The following KCNMA1 variants were observed in gnomAD, a reference collection of about 807,000 sequenced individuals.
KCNMA1 encodes the protein potassium calcium-activated channel subfamily M alpha 1, also known as Calcium-activated potassium channel subunit alpha-1.
In KCNMA1, 29 loss-of-function variants were observed where a neutral mutation model predicts 140.0. The observed-to-expected ratio is 0.21, with a 90% CI of 0.15 to 0.28. The LOEUF is 0.28. Ranked by LOEUF, KCNMA1 falls within the 10% of genes least tolerant of loss-of-function variation. The probability of loss-of-function intolerance (pLI) is 1.00; values close to 1 mark genes in which losing one functional copy is unlikely to be tolerated. For synonymous variants in KCNMA1, 612 were observed against 611.9 expected (o/e 1.00, Z 0.00); for missense variants, 880 against 1,602.2 (o/e 0.55, Z 7.70).
rs2049624090 is a variant in KCNMA1, at chr10:76,910,308, G to A, written c.3017-212C>T. The A allele has an allele frequency of 5.4e-6, 3 of 555,698 alleles. No individual in the cohort carries two copies. The South Asian group carries it at 5.5e-5, about 10-fold the overall frequency. The allele number at this position is 555,698 out of a possible 1,614,324, so 34.4% of individuals were successfully genotyped here. ...TGTTTAAGTGTCTGAGACCTGGAGA[G>A]CAATAAGTTCAAGCAGGCTTGCTCC... On this transcript the variant is annotated intron_variant, in intron 24 of 27. Transcript: ENST00000286628.
chr10:77,418,342 A>C (rs939550094), intron 1 of KCNMA1, among the ~76,000 whole-genome samples: 1 of 152,140 alleles, frequency 6.6e-6, no homozygotes, highest in African/African-American at 2.4e-5. Flanking sequence ...CTGGACGTCG[A>C]GAGAGACTCG....
At chr10:77,556,020 T>C (rs1014107551) in intron 1 of KCNMA1, among the ~76,000 whole-genome samples, 1 of 152,160 alleles carries the variant, frequency 6.6e-6, no homozygotes, top group African/African-American at 2.4e-5. Context: ...TCAAAGAGGA[T>C]GGCATAAGAA....
At chr10:77,576,103 G>A (rs937369626) in intron 1 of KCNMA1, among the ~76,000 whole-genome samples, 7 of 152,162 alleles carry the variant, frequency 4.6e-5, no homozygotes, top group Non-Finnish European at 8.8e-5. Flanking sequence ...ACATCCGGAC[G>A]CATCTAGATT....
At chr10:76,959,824 C>T (rs1366999701) in intron 20 of KCNMA1, among the ~76,000 whole-genome samples, 1 of 152,222 alleles carries the variant, frequency 6.6e-6, no homozygotes, top group African/African-American at 2.4e-5. Context: ...TGCACTAAAA[C>T]TTTTACCTAC....
chr10:77,138,124 G>C (rs2098087575), intron 5 of KCNMA1, among the ~76,000 whole-genome samples: 1 of 152,086 alleles, frequency 6.6e-6, no homozygotes, highest in African/African-American at 2.4e-5. Context: ...ACCACCCCTT[G>C]TGGTTCCAGA....
chr10:76,919,014 G>A (rs1243128410), intron 23 of KCNMA1, among the ~76,000 whole-genome samples: 2 of 151,570 alleles, frequency 1.3e-5, no homozygotes, highest in Admixed American at 1.3e-4. Flanking sequence ...GCAGTGACCT[G>A]GATGAGACTG....
chr10:77,156,221 C>A (rs2098481797), intron 5 of KCNMA1, among the ~76,000 whole-genome samples: 1 of 115,942 alleles, frequency 8.6e-6, no homozygotes, highest in Non-Finnish European at 1.7e-5. Context: ...GAGCGAGACT[C>A]CATCTTAAAA....
intron 2 of KCNMA1, among the ~76,000 whole-genome samples, chr10:77,359,058 C>A (rs139522341): frequency 6.6e-6 from 1 of 152,134 alleles, no homozygotes; most frequent in Non-Finnish European, 1.5e-5. Context: ...GGTAACAGGG[C>A]CTGGGTAAGG....
In KCNMA1 at chr10:77,075,846, T is replaced by C. The variant is rs1467059960; in HGVS notation, c.1594-2594A>G. 2.0e-5 allele frequency among the ~76,000 whole-genome samples: 3 copies of C among 152,192 alleles called. 1 individual carries two copies. The South Asian group carries it at 6.2e-4, about 32-fold the overall frequency. ...CCTTTGTTTCTGGAAACTTCGTCCT[T>C]TTCCATTTGAAGTAAATTGAGTCTG... On this transcript the variant is annotated intron_variant, in intron 13 of 27. Transcript: ENST00000286628.
intron 1 of KCNMA1, among the ~76,000 whole-genome samples, chr10:77,529,385 C>A (rs1303491138): frequency 6.6e-6 from 1 of 152,010 alleles, no homozygotes; most frequent in African/African-American, 2.4e-5. Flanking sequence ...AAACCCAGCT[C>A]AGCCCCTGCC....
At chr10:77,171,877 G>T (rs538460904) in intron 5 of KCNMA1, among the ~76,000 whole-genome samples, 1 of 152,252 alleles carries the variant, frequency 6.6e-6, no homozygotes, top group African/African-American at 2.4e-5. Context: ...GGGCTGGGAT[G>T]GCCAACTTTC....
intron 25 of KCNMA1, among the ~76,000 whole-genome samples, chr10:76,907,841 C>T (rs1481792063): frequency 1.3e-5 from 2 of 152,132 alleles, no homozygotes; most frequent in African/African-American, 4.8e-5. Context: ...CACCCAGCCC[C>T]AAGTCTCTTT....
intron 3 of KCNMA1, among the ~76,000 whole-genome samples, chr10:77,241,472 C>T (rs1321290714): frequency 1.5e-5 from 2 of 133,794 alleles, no homozygotes; most frequent in African/African-American, 3.0e-5. Flanking sequence ...AGTGAGACCC[C>T]CCCATCTCTA....
intron 2 of KCNMA1, among the ~76,000 whole-genome samples, chr10:77,377,077 C>A (rs1327634698): frequency 6.6e-6 from 1 of 152,092 alleles, no homozygotes; most frequent in Non-Finnish European, 1.5e-5. Context: ...AGGAGAAGAG[C>A]CTGCGCCTAG....
intron 1 of KCNMA1, among the ~76,000 whole-genome samples, chr10:77,574,979 C>T (rs1463532074): frequency 6.6e-6 from 1 of 152,176 alleles, no homozygotes; most frequent in Non-Finnish European, 1.5e-5. Context: ...ACAGATCGTA[C>T]CACCACCCTT....
At chr10:77,038,749 C>T (rs1016687366) in intron 15 of KCNMA1, among the ~76,000 whole-genome samples, 5 of 152,130 alleles carry the variant, frequency 3.3e-5, no homozygotes, top group Non-Finnish European at 7.3e-5. Flanking sequence ...CTGTGTTGCC[C>T]AGGCTAGTCT....
chr10:77,007,643 T>TTGTG (rs148322931), intron 18 of KCNMA1, among the ~76,000 whole-genome samples: 1,249 of 79,502 alleles, frequency 0.016, 82 homozygotes, highest in African/African-American at 0.056. Flanking sequence ...ATGGTACATA[T>TTGTG]TGTGTGTGTG....
chr10:77,633,570 T>C (rs1055177877), intron 1 of KCNMA1, among the ~76,000 whole-genome samples: 51 of 152,330 alleles, frequency 3.3e-4, no homozygotes, highest in African/African-American at 1.1e-3. Context: ...CCAGCCCTGA[T>C]TGACTGCGTC....
chr10:77,416,635 A>G (rs2096747488), intron 1 of KCNMA1, among the ~76,000 whole-genome samples: 1 of 152,198 alleles, frequency 6.6e-6, no homozygotes, highest in African/African-American at 2.4e-5. Flanking sequence ...CCAGTGCCCC[A>G]CACGGAAGGG....
Sources: allele counts gnomAD v4.1 joint callset (sites outside exome capture counted in the v4.1 genomes callset), GRCh38; gene constraint gnomAD v4.1.1; transcripts MANE v1.5; gene names NCBI Gene and HGNC (gene_info 2026-07-23, HGNC 2026-07-21).